PLAC8L1: variants seen among roughly 807,000 people sequenced by gnomAD.
PLAC8L1 encodes the protein PLAC8-like protein 1.
Under a neutral mutation model 16.3 loss-of-function variants are expected in PLAC8L1, and 13 were observed. That is an observed-to-expected ratio of 0.80 (90% CI 0.52 to 1.27). The LOEUF is 1.27. PLAC8L1 is among the 50% of genes most tolerant of loss of function. The probability of loss-of-function intolerance (pLI) is 0.00; values close to 1 mark genes in which losing one functional copy is unlikely to be tolerated. For missense variants in PLAC8L1, 184 were observed against 220.2 expected (o/e 0.84, Z 1.04); for synonymous variants, 78 against 79.3 (o/e 0.98, Z 0.09).
intron 1 of PLAC8L1, among the ~76,000 whole-genome samples, chr5:146,100,724 T>C (rs918246181): frequency 6.6e-6 from 1 of 152,162 alleles, no homozygotes; most frequent in African/African-American, 2.4e-5. Context: ...AATGTATGGG[T>C]ATATTTTAAT....
intron 2 of PLAC8L1, among the ~76,000 whole-genome samples, chr5:146,093,063 C>A (rs1313930358): frequency 2.0e-5 from 3 of 151,958 alleles, no homozygotes; most frequent in East Asian, 3.9e-4. Context: ...AGGATAGATA[C>A]CAAAATATTA....
chr5:146,086,098 C>T (rs1763511301), intron 2 of PLAC8L1, among the ~76,000 whole-genome samples: 2 of 128,076 alleles, frequency 1.6e-5, no homozygotes, highest in African/African-American at 2.9e-5. Context: ...GGCGGGATCT[C>T]GGCTCACTGC....
chr5:146,088,834 T>C (rs1047325228), intron 2 of PLAC8L1, among the ~76,000 whole-genome samples: 4 of 152,174 alleles, frequency 2.6e-5, no homozygotes, highest in African/African-American at 9.7e-5. Context: ...AATGGTCCAG[T>C]AAATTTACTG....
intron 2 of PLAC8L1, among the ~76,000 whole-genome samples, chr5:146,097,476 A>C (rs1195612192): frequency 6.6e-6 from 1 of 152,222 alleles, no homozygotes; most frequent in Middle Eastern, 3.2e-3. Context: ...ATCTGCTATA[A>C]ATATTTGTAT....
intron 2 of PLAC8L1, among the ~76,000 whole-genome samples, chr5:146,096,582 G>C (rs1763721685): frequency 6.6e-6 from 1 of 152,206 alleles, no homozygotes; most frequent in African/African-American, 2.4e-5. Context: ...AAGAGCCAGA[G>C]TTAGGATTCA....
At chr5:146,096,564 T>G (rs1224932318) in intron 2 of PLAC8L1, among the ~76,000 whole-genome samples, 1 of 152,214 alleles carries the variant, frequency 6.6e-6, no homozygotes, top group Non-Finnish European at 1.5e-5. Flanking sequence ...CAACGTTACA[T>G]GGCCAGTAAG....
At chr5:146,101,624 T>C (rs1313121778) in intron 1 of PLAC8L1, among the ~76,000 whole-genome samples, 1 of 152,214 alleles carries the variant, frequency 6.6e-6, no homozygotes, top group Non-Finnish European at 1.5e-5. Flanking sequence ...ACCAAATAGA[T>C]TCTCTTGTCT....
chr5:146,092,635 G>A (rs1011485887), intron 2 of PLAC8L1, among the ~76,000 whole-genome samples: 6 of 143,524 alleles, frequency 4.2e-5, no homozygotes, highest in South Asian at 2.2e-4. Context: ...TCCACCTCCC[G>A]GGTTCAAGCG....
intron 1 of PLAC8L1, among the ~76,000 whole-genome samples, chr5:146,099,700 T>C (rs1014252135): frequency 5.3e-5 from 8 of 149,558 alleles, no homozygotes; most frequent in African/African-American, 2.0e-4. Context: ...CAGTAATAGT[T>C]GCCAAAATTC....
chr5:146,091,583 G>T (rs950759810), intron 2 of PLAC8L1, among the ~76,000 whole-genome samples: 2 of 151,978 alleles, frequency 1.3e-5, no homozygotes, highest in Non-Finnish European at 2.9e-5. Flanking sequence ...GATCACTTGA[G>T]GCCAGGAGTT....
chr5:146,098,936 C>A (rs1278867698), intron 1 of PLAC8L1, among the ~76,000 whole-genome samples: 1 of 152,152 alleles, frequency 6.6e-6, no homozygotes, highest in Non-Finnish European at 1.5e-5. Context: ...GTATGATTGA[C>A]CTAGTGGTGC....
chr5:146,104,177 T>C lies in PLAC8L1; in HGVS notation c.119+16A>G, dbSNP rs769713747. On this transcript the variant is annotated intron_variant, in intron 1 of 3. Transcript: ENST00000311450. ...AAAGAGCAAAAGCTAGGGGAAAAAC[T>C]CACCCTATTCCCTACCTCAAGTTGG... is the stretch of plus-strand genomic sequence containing the variant. 1 of 1,611,874 alleles carries C rather than the reference T, an allele frequency of 6.2e-7. No individual in the cohort carries two copies. Among genetic ancestry groups the C allele is most frequent in the East Asian group, 2.2e-5 (1 of 44,772 alleles).
At chr5:146,100,542 C>A (rs1383123998) in intron 1 of PLAC8L1, among the ~76,000 whole-genome samples, 1 of 152,126 alleles carries the variant, frequency 6.6e-6, no homozygotes, top group Non-Finnish European at 1.5e-5. Context: ...AAATATTTAA[C>A]ATTTTGAAAA....
At chr5:146,097,987 A>G (rs985147107) in intron 2 of PLAC8L1, among the ~76,000 whole-genome samples, 169 bp downstream of exon 2, 8 of 152,198 alleles carry the variant, frequency 5.3e-5, no homozygotes, top group African/African-American at 9.7e-5. Context: ...ATATCTCTGA[A>G]AAGCAAGATT....
At chr5:146,091,826 G>C (rs573764406) in intron 2 of PLAC8L1, among the ~76,000 whole-genome samples, 1 of 152,050 alleles carries the variant, frequency 6.6e-6, no homozygotes, top group East Asian at 1.9e-4. Context: ...ACAATTAAAA[G>C]AAGGGAAATG....
At chr5:146,091,377 A>C (rs1457513617) in intron 2 of PLAC8L1, among the ~76,000 whole-genome samples, 1 of 152,250 alleles carries the variant, frequency 6.6e-6, no homozygotes, top group African/African-American at 2.4e-5. Flanking sequence ...ATACTGTGGA[A>C]CACAAAAGAT....
At chr5:146,102,338 T>C (rs904207519) in intron 1 of PLAC8L1, among the ~76,000 whole-genome samples, 6 of 152,230 alleles carry the variant, frequency 3.9e-5, no homozygotes, top group African/African-American at 1.4e-4. Flanking sequence ...GAGTCTTCAG[T>C]TATTTTTATA....
chr5:146,088,623 G>A (rs1763561934), intron 2 of PLAC8L1, among the ~76,000 whole-genome samples: 1 of 152,178 alleles, frequency 6.6e-6, no homozygotes, highest in African/African-American at 2.4e-5. Context: ...GGCAGAGAAG[G>A]AACATCTATT....
At chr5:146,096,923 C>T (rs958018749) in intron 2 of PLAC8L1, among the ~76,000 whole-genome samples, 1 of 152,158 alleles carries the variant, frequency 6.6e-6, no homozygotes, top group Admixed American at 6.5e-5. Context: ...CTATGGGTCA[C>T]GGGGAAGACT....
Sources: gnomAD v4.1 joint callset for allele counts (sites outside exome capture counted in the v4.1 genomes callset) on GRCh38, gnomAD v4.1.1 for gene constraint, MANE v1.5 for transcripts, NCBI Gene and HGNC (gene_info 2026-07-23, HGNC 2026-07-21) for gene names.